The following GAS2 variants were observed in gnomAD, a reference collection of about 807,000 sequenced individuals.
The protein encoded by GAS2 is growth arrest-specific protein 2.
Under a neutral mutation model 37.5 loss-of-function variants are expected in GAS2, and 20 were observed. That is an observed-to-expected ratio of 0.53 (90% confidence interval 0.37 to 0.77). GAS2 has a LOEUF of 0.77. Ranked by LOEUF, GAS2 falls within the 30% of genes least tolerant of loss-of-function variation. GAS2 has a pLI of 0.00. For synonymous variants in GAS2, 144 were observed against 132.2 expected (o/e 1.09, Z -0.61); for missense variants, 336 against 373.4 (o/e 0.90, Z 0.82).
chr11:22,687,103 A>G (rs780704258), intron 3 of GAS2, among the ~76,000 whole-genome samples: 3 of 152,064 alleles, frequency 2.0e-5, no homozygotes, highest in Non-Finnish European at 2.9e-5. Context: ...AGGCAGGCAG[A>G]TTGCTTGAGC....
chr11:22,675,047 G>T, intron 2 of GAS2, 33 bp downstream of exon 2: 2 of 1,604,584 alleles, frequency 1.2e-6, no homozygotes. Context: ...TGTGAGCAAA[G>T]ACAACAGTTT....
chr11:22,750,836 G>C (rs1853686553), intron 6 of GAS2, among the ~76,000 whole-genome samples: 1 of 151,618 alleles, frequency 6.6e-6, no homozygotes, highest in South Asian at 2.1e-4. Flanking sequence ...TTTCCTTTCA[G>C]CTATCACCTT....
At chr11:22,735,224 C>CTTTTTTTTTTT (rs397750049) in intron 4 of GAS2, among the ~76,000 whole-genome samples, 2 of 109,152 alleles carry the variant, frequency 1.8e-5, no homozygotes, top group Non-Finnish European at 3.5e-5. Flanking sequence ...ACCAATCATT[C>CTTTTTTTTTTT]TTTTTTTTTT....
At chr11:22,636,369 T>A (rs1354865752) in intron 1 of GAS2, among the ~76,000 whole-genome samples, 1 of 152,154 alleles carries the variant, frequency 6.6e-6, no homozygotes, top group East Asian at 1.9e-4. Context: ...CGGGCCCTGG[T>A]AAGGATTAAA....
intron 2 of GAS2, among the ~76,000 whole-genome samples, chr11:22,680,864 A>C (rs935488304): frequency 1.1e-4 from 16 of 152,132 alleles, no homozygotes; most frequent in Admixed American, 8.5e-4. Flanking sequence ...TCTGAACCTA[A>C]ATTGCCAAAG....
chr11:22,810,264 A>G (rs1857088395), intron 7 of GAS2, among the ~76,000 whole-genome samples: 1 of 152,208 alleles, frequency 6.6e-6, no homozygotes, highest in African/African-American at 2.4e-5. Context: ...CAGGAAGCAC[A>G]TGGTCTATTA....
chr11:22,640,388 A>G (rs780615711), intron 1 of GAS2, among the ~76,000 whole-genome samples: 4 of 152,200 alleles, frequency 2.6e-5, no homozygotes, highest in Non-Finnish European at 5.9e-5. Context: ...AATCATAGTA[A>G]TGTTTAACAT....
chr11:22,655,515 G>T (rs115912328), intron 1 of GAS2, among the ~76,000 whole-genome samples: 1 of 152,142 alleles, frequency 6.6e-6, no homozygotes, highest in Non-Finnish European at 1.5e-5. Context: ...TCAAAAATTT[G>T]ATCCAAGTAT....
intron 7 of GAS2, among the ~76,000 whole-genome samples, chr11:22,799,861 C>A (rs1186046095): frequency 6.6e-6 from 1 of 151,926 alleles, no homozygotes; most frequent in Admixed American, 6.6e-5. Context: ...GTGCTAGGCA[C>A]CCAGGGTATG....
chr11:22,629,238 G>C (rs1590546494), intron 1 of GAS2, among the ~76,000 whole-genome samples: 1 of 152,090 alleles, frequency 6.6e-6, no homozygotes, highest in South Asian at 2.1e-4. Context: ...TCTTTGAGAC[G>C]TCTCCATACT....
At chr11:22,763,616 TACAC>T (rs34715661) in intron 7 of GAS2, among the ~76,000 whole-genome samples, 3,975 of 143,836 alleles carry the variant, frequency 0.028, 144 homozygotes, top group African/African-American at 0.086. Flanking sequence ...AAAATACACA[TACAC>T]ACACACACAC....
intron 4 of GAS2, among the ~76,000 whole-genome samples, chr11:22,735,822 C>T (rs1227294764): frequency 2.6e-5 from 4 of 151,782 alleles, no homozygotes; most frequent in African/African-American, 9.7e-5. Flanking sequence ...TATATTTTGA[C>T]ACTCTTGTCA....
At chr11:22,766,418 A>G (rs1369221016) in intron 7 of GAS2, among the ~76,000 whole-genome samples, 1 of 152,168 alleles carries the variant, frequency 6.6e-6, no homozygotes, top group African/African-American at 2.4e-5. Context: ...GGTTTTAATT[A>G]TATGCTATTC....
intron 3 of GAS2, among the ~76,000 whole-genome samples, chr11:22,713,307 CAAAT>C (rs1160950835): frequency 1.3e-5 from 2 of 151,420 alleles, no homozygotes; most frequent in Non-Finnish European, 2.9e-5. Flanking sequence ...ATAATGAAGA[CAAAT>C]AAAAATAATT....
At chr11:22,773,479 C>T (rs1444452914) in intron 7 of GAS2, among the ~76,000 whole-genome samples, 7 of 145,058 alleles carry the variant, frequency 4.8e-5, no homozygotes, top group Admixed American at 6.9e-5. Context: ...CTGCAAGCTC[C>T]GCCTCCCGGA....
intron 5 of GAS2, among the ~76,000 whole-genome samples, chr11:22,739,663 G>A (rs1852965898): frequency 1.3e-5 from 2 of 150,884 alleles, no homozygotes; most frequent in Non-Finnish European, 3.0e-5. Flanking sequence ...TAAATGAACT[G>A]CTGCCAAGGA....
chr11:22,719,581 C>A (rs916673145), intron 3 of GAS2, among the ~76,000 whole-genome samples: 5 of 152,088 alleles, frequency 3.3e-5, no homozygotes, highest in Non-Finnish European at 7.4e-5. Context: ...TAATTACATA[C>A]AGAATAGTTT....
intron 1 of GAS2, among the ~76,000 whole-genome samples, chr11:22,655,123 G>A (rs1424266216): frequency 6.6e-6 from 1 of 152,046 alleles, no homozygotes. Context: ...CAGACTGTCT[G>A]TCCTTTTCTG....
intron 3 of GAS2, among the ~76,000 whole-genome samples, chr11:22,708,261 A>G (rs940729622): frequency 3.9e-5 from 6 of 152,166 alleles, no homozygotes; most frequent in African/African-American, 1.4e-4. Context: ...GGTGGATATT[A>G]TGGATATTTT....
Sources: allele counts gnomAD v4.1 joint callset (sites outside exome capture counted in the v4.1 genomes callset), GRCh38; gene constraint gnomAD v4.1.1; transcripts MANE v1.5; gene names NCBI Gene and HGNC (gene_info 2026-07-23, HGNC 2026-07-21).